Variants in KAT2B observed in about 807,000 individuals in gnomAD.
The protein encoded by KAT2B is histone acetyltransferase KAT2B.
Under a neutral mutation model 105.9 loss-of-function variants are expected in KAT2B, and 36 were observed. The ratio of observed to expected loss-of-function variants is 0.34; its 90% confidence interval spans 0.26 to 0.45. The LOEUF (loss-of-function observed/expected upper bound fraction) is 0.45, where lower values mean the gene tolerates loss of function less well. Ranked by LOEUF, KAT2B falls within the 20% of genes least tolerant of loss-of-function variation. KAT2B has a pLI of 1.00. For synonymous variants in KAT2B, 397 were observed against 377.9 expected (o/e 1.05, Z -0.59); for missense variants, 820 against 1,021.6 (o/e 0.80, Z 2.69).
chr3:20,080,557 G>C (rs1698501184), intron 2 of KAT2B, among the ~76,000 whole-genome samples: 1 of 152,172 alleles, frequency 6.6e-6, no homozygotes, highest in African/African-American at 2.4e-5. Flanking sequence ...TTAGTTCGTT[G>C]TGCATAATTG....
chr3:20,040,927 C>A (rs982869738), intron 1 of KAT2B, 147 bp downstream of exon 1: 2 of 996,422 alleles, frequency 2.0e-6, no homozygotes, highest in East Asian at 3.2e-5. Flanking sequence ...GTGCTCTTGT[C>A]GCCCGCGCCC....
At chr3:20,121,350 A>G (rs943501929) in intron 8 of KAT2B, among the ~76,000 whole-genome samples, 1 of 152,232 alleles carries the variant, frequency 6.6e-6, no homozygotes. Context: ...TTAGATCTAG[A>G]CATCTTAAAA....
At chr3:20,078,697 A>G (rs1698464962) in intron 2 of KAT2B, among the ~76,000 whole-genome samples, 2 of 148,368 alleles carry the variant, frequency 1.3e-5, no homozygotes, top group African/African-American at 5.2e-5. Context: ...ATATGTGTAT[A>G]TATATGTATA....
chr3:20,045,156 A>G (rs1475069922), intron 1 of KAT2B, among the ~76,000 whole-genome samples: 1 of 151,988 alleles, frequency 6.6e-6, no homozygotes, highest in Non-Finnish European at 1.5e-5. Context: ...CTGAGACCAC[A>G]GGCATGCACC....
At chr3:20,133,317 T>G (rs1404593094) in intron 11 of KAT2B, among the ~76,000 whole-genome samples, 2 of 152,232 alleles carry the variant, frequency 1.3e-5, no homozygotes, top group African/African-American at 2.4e-5. Flanking sequence ...CTAGAGACCT[T>G]TCAGCTTTAG....
chr3:20,041,325 A>C (rs1459057289), intron 1 of KAT2B, among the ~76,000 whole-genome samples: 1 of 151,814 alleles, frequency 6.6e-6, no homozygotes, highest in African/African-American at 2.4e-5. Context: ...GTCCGAGGCG[A>C]GGGTCTTGTG....
chr3:20,087,206 A>T (rs189787069), intron 2 of KAT2B, among the ~76,000 whole-genome samples: 2 of 152,346 alleles, frequency 1.3e-5, no homozygotes, highest in Admixed American at 1.3e-4. Context: ...GATGATACCG[A>T]GTGTTTCCAA....
chr3:20,138,280 A>G (rs1465015845), intron 12 of KAT2B, among the ~76,000 whole-genome samples: 1 of 152,088 alleles, frequency 6.6e-6, no homozygotes, highest in Non-Finnish European at 1.5e-5. Context: ...AAATCTTTTT[A>G]GTATTTTTTC....
chr3:20,048,260 G>C (rs1697850767), intron 1 of KAT2B, among the ~76,000 whole-genome samples: 1 of 152,154 alleles, frequency 6.6e-6, no homozygotes, highest in Non-Finnish European at 1.5e-5. Context: ...AATTTTCAGG[G>C]AAGATGGAAA....
chr3:20,043,405 C>T (rs1177075883), intron 1 of KAT2B, among the ~76,000 whole-genome samples: 1 of 152,160 alleles, frequency 6.6e-6, no homozygotes, highest in Non-Finnish European at 1.5e-5. Flanking sequence ...ACCAAAATTA[C>T]AGAGAAGTTC....
chr3:20,128,718 A>G (rs1417843217), intron 11 of KAT2B, among the ~76,000 whole-genome samples: 1 of 152,088 alleles, frequency 6.6e-6, no homozygotes, highest in East Asian at 1.9e-4. Context: ...TTAGAATGTT[A>G]TTCATTTAGG....
chr3:20,149,726 C>T (rs1446835481), intron 17 of KAT2B, among the ~76,000 whole-genome samples: 1 of 152,058 alleles, frequency 6.6e-6, no homozygotes, highest in East Asian at 1.9e-4. Flanking sequence ...CTCTGACTTA[C>T]CACTATTTAT....
Position 20,042,390 on chromosome 3 carries a change from G to A in KAT2B, c.303+1610G>A, listed in dbSNP as rs1021382610. On this transcript the variant is annotated intron_variant, in intron 1 of 17. Coordinates refer to ENST00000263754, the MANE Select transcript of KAT2B (RefSeq NM_003884.5). ...ATTAGACGAATGAGAACAGGACACC[G>A]ACTGTAGTAGGCAGAAGGGCGAGCT... Among the ~76,000 whole-genome samples, 5 of 152,202 alleles carry A rather than the reference G, an allele frequency of 3.3e-5. No individual in the cohort carries two copies. In the South Asian group the frequency reaches 6.2e-4, roughly 19 times the overall value.
chr3:20,106,977 A>ATATG (rs1158451741), intron 5 of KAT2B, among the ~76,000 whole-genome samples: 1 of 11,996 alleles, frequency 8.3e-5, no homozygotes, highest in Non-Finnish European at 1.2e-4. Flanking sequence ...ATATATATAT[A>ATATG]TGTATATATA....
intron 13 of KAT2B, among the ~76,000 whole-genome samples, chr3:20,141,414 A>G (rs1575158218): frequency 1.3e-5 from 2 of 152,186 alleles, no homozygotes; most frequent in African/African-American, 4.8e-5. Context: ...TGGGGAGTAC[A>G]CAAAGGCCAT....
intron 17 of KAT2B, chr3:20,148,991 G>C (rs184677756): frequency 6.4e-6 from 1 of 155,662 alleles, no homozygotes; most frequent in East Asian, 1.9e-4. Flanking sequence ...CCCTTGATGG[G>C]TACTGTTAAT....
chr3:20,070,365 T>C (rs979094186), intron 1 of KAT2B, among the ~76,000 whole-genome samples: 4 of 150,944 alleles, frequency 2.6e-5, no homozygotes, highest in Non-Finnish European at 5.9e-5. Flanking sequence ...AGTGCAGTTG[T>C]GCAATCTCGG....
At chr3:20,146,646 A>T (rs566219969) in intron 14 of KAT2B, 35 of 374,304 alleles carry the variant, frequency 9.4e-5, no homozygotes, top group Non-Finnish European at 1.5e-4. Context: ...GCCCCCTTGT[A>T]ATAGCTGTTA....
At chr3:20,100,753 A>C (rs957028938) in intron 4 of KAT2B, among the ~76,000 whole-genome samples, 1 of 152,202 alleles carries the variant, frequency 6.6e-6, no homozygotes, top group Non-Finnish European at 1.5e-5. Context: ...AGTTTTTTTA[A>C]AAGCCCATAA....
Sources: allele counts gnomAD v4.1 joint callset (sites outside exome capture counted in the v4.1 genomes callset), GRCh38; gene constraint gnomAD v4.1.1; transcripts MANE v1.5; gene names NCBI Gene and HGNC (gene_info 2026-07-23, HGNC 2026-07-21).